ZMYM2: variants seen among roughly 807,000 people sequenced by gnomAD.
The protein encoded by ZMYM2 is zinc finger MYM-type containing 2.
A neutral mutation model predicts 162.8 loss-of-function variants in ZMYM2; 56 were observed. That is an observed-to-expected ratio of 0.34 (90% CI 0.28 to 0.43). The LOEUF is 0.43. ZMYM2 is among the 20% of genes least tolerant of loss of function. The pLI is 1.00. For missense variants in ZMYM2, 1,275 were observed against 1,621.8 expected (o/e 0.79, Z 3.67); for synonymous variants, 510 against 541.6 (o/e 0.94, Z 0.81).
Position 19,993,281 on chromosome 13 carries a change from C to G in ZMYM2, c.209C>G (p.Pro70Arg). The G allele has an allele frequency of 6.2e-7, 1 of 1,613,952 alleles. No homozygotes were observed. The highest frequency in any genetic ancestry group is 8.5e-7 in the Non-Finnish European group (1 of 1,179,880). ...TTTATCGAACCTGTACAACCTCCCC[C>G]ACCTTCTGTACCAGTGGTAGCTGAT... The part of the protein sequence containing the change: ...VVFIEPVQPP[P>R]PSVPVVADQR... Residue 70 changes from proline (P) to arginine (R), a missense_variant, in exon 3 of 25, where the codon CCA (proline) becomes CGA (arginine). Physicochemically the swap from Pro to Arg is moderately radical, Grantham distance 103. This residue lies in a region of ZMYM2 where 295 missense variants were observed against 286.7 expected (regional missense o/e 1.03). Transcript: ENST00000610343.
chr13:19,912,292 GTTTTTTTTTTT>G, the ZMYM2 span, among the ~76,000 whole-genome samples: 2 of 75,714 alleles, frequency 2.6e-5, no homozygotes, highest in Non-Finnish European at 4.9e-5. Flanking sequence ...TGTTTTTTGG[GTTTTTTTTTTT>G]TTTTTTTTTT....
the ZMYM2 span, among the ~76,000 whole-genome samples, chr13:19,898,237 CT>C: frequency 1.5e-3 from 224 of 144,858 alleles, 1 homozygote; most frequent in Admixed American, 1.7e-3. Flanking sequence ...AGAACACACT[CT>C]TTTTTTTTTT....
intron 21 of ZMYM2, among the ~76,000 whole-genome samples, chr13:20,076,015 C>T (rs371484149): frequency 1.4e-5 from 2 of 141,460 alleles, no homozygotes; most frequent in South Asian, 4.1e-4. Flanking sequence ...CTTTAATCTC[C>T]CCACCTTATC....
At chr13:19,980,743 A>C (rs1399132160) in intron 2 of ZMYM2, among the ~76,000 whole-genome samples, 3 of 117,380 alleles carry the variant, frequency 2.6e-5, no homozygotes, top group African/African-American at 1.1e-4. Flanking sequence ...ACAGAGCGAG[A>C]CTCCATCTCA....
rs768526276 is a variant in ZMYM2 at position 20,027,221 on chromosome 13, A to G, written c.1754A>G (p.His585Arg). The G allele has an allele frequency of 6.3e-7, 1 of 1,576,642 alleles. No individual in the cohort carries two copies. Among genetic ancestry groups the G allele is most frequent in the South Asian group, 1.2e-5 (1 of 85,866 alleles). The part of the protein sequence containing the change: ...AKSQSLGIIC[H>R]FCKRNSLPQY... ...TTCCTAGGTTTGGGAATTATTTGCC[A>G]TTTTTGTAAGCGAAACTCTTTACCT... The change falls in exon 9 of 25, where the codon CAT becomes CGT. Residue 585 changes from histidine to arginine, a missense_variant. By Grantham distance (29) the His-to-Arg change is conservative. Around this residue, in one of 10 missense-constraint regions of ZMYM2, gnomAD observed 276 missense variants for 311.8 expected, o/e 0.89. Coordinates refer to ENST00000610343, the MANE Select transcript of ZMYM2 (RefSeq NM_197968.4).
At chr13:19,917,274 T>G in the ZMYM2 span, among the ~76,000 whole-genome samples, 1 of 152,078 alleles carries the variant, frequency 6.6e-6, no homozygotes, top group African/African-American at 2.4e-5. Context: ...AAGGCTAGAA[T>G]TAATAACAGG....
the ZMYM2 span, among the ~76,000 whole-genome samples, chr13:19,904,954 C>T: frequency 6.6e-6 from 1 of 151,776 alleles, no homozygotes. Flanking sequence ...TACTTTTGGC[C>T]ATAGTGAATA....
At chr13:20,083,598 T>C in intron 23 of ZMYM2, 58 bp from the exon 24 acceptor site, 1 of 1,313,620 alleles carries the variant, frequency 7.6e-7, no homozygotes, top group Non-Finnish European at 1.0e-6. Context: ...CTAGGAGTGA[T>C]GTTTATATCT....
chr13:19,936,454 G>A, the ZMYM2 span, among the ~76,000 whole-genome samples: 27 of 152,172 alleles, frequency 1.8e-4, no homozygotes, highest in African/African-American at 6.0e-4. Context: ...GGGCATGGTG[G>A]CTCTTGCCTG....
chr13:20,078,289 TAAC>T (rs1566469835), intron 21 of ZMYM2, among the ~76,000 whole-genome samples: 1 of 150,454 alleles, frequency 6.6e-6, no homozygotes, highest in African/African-American at 2.4e-5. Flanking sequence ...TTTATTCATA[TAAC>T]GTTTAATAAA....
At chr13:20,077,969 C>T (rs1185446255) in intron 21 of ZMYM2, among the ~76,000 whole-genome samples, 8 of 151,894 alleles carry the variant, frequency 5.3e-5, no homozygotes, top group Non-Finnish European at 1.2e-4. Flanking sequence ...AGGCGCCCGC[C>T]ACCACGCCCG....
At chr13:19,963,372 G>T (rs1240108517) in intron 2 of ZMYM2, among the ~76,000 whole-genome samples, 3 of 152,192 alleles carry the variant, frequency 2.0e-5, no homozygotes, top group Admixed American at 6.5e-5. Flanking sequence ...AAGTTCTAAT[G>T]CAGGTCTCCA....
At chr13:19,991,624 C>CTTTTTTTTTTTTTTTTT (rs11413369) in intron 2 of ZMYM2, among the ~76,000 whole-genome samples, 2 of 131,374 alleles carry the variant, frequency 1.5e-5, no homozygotes, top group Non-Finnish European at 1.6e-5. Flanking sequence ...TTTTCTTTTT[C>CTTTTTTTTTTTTTTTTT]TTTTTTTTTT....
intron 9 of ZMYM2, among the ~76,000 whole-genome samples, chr13:20,030,479 A>G (rs995399136): frequency 6.6e-6 from 1 of 151,088 alleles, no homozygotes; most frequent in African/African-American, 2.4e-5. Flanking sequence ...GCTCACTGCA[A>G]GCTCCACCTC....
chr13:20,081,938 A>G (rs1957937602), intron 21 of ZMYM2, 78 bp from the exon 22 acceptor site: 3 of 842,064 alleles, frequency 3.6e-6, no homozygotes, highest in Admixed American at 3.7e-5. Context: ...TTCTTAAGAA[A>G]TACGGAGTGT....
intron 21 of ZMYM2, among the ~76,000 whole-genome samples, chr13:20,074,567 C>CTTA (rs916237177): frequency 7.2e-6 from 1 of 139,484 alleles, no homozygotes; most frequent in African/African-American, 2.7e-5. Context: ...GAGACGGAGT[C>CTTA]TTACTCTGTC....
intron 2 of ZMYM2, among the ~76,000 whole-genome samples, chr13:19,965,052 A>G (rs888045393): frequency 1.3e-5 from 2 of 151,480 alleles, no homozygotes; most frequent in African/African-American, 4.8e-5. Flanking sequence ...TAACCTGCAC[A>G]ATGTGCACAT....
intron 6 of ZMYM2, among the ~76,000 whole-genome samples, chr13:20,012,284 T>C (rs1365154143): frequency 6.6e-6 from 1 of 152,188 alleles, no homozygotes; most frequent in African/African-American, 2.4e-5. Context: ...CAAGCGATTC[T>C]TCTGCGTCAG....
chr13:19,881,849 T>C, the ZMYM2 span, among the ~76,000 whole-genome samples: 6 of 151,498 alleles, frequency 4.0e-5, no homozygotes, highest in South Asian at 1.3e-3. Flanking sequence ...CTGGGTGTGG[T>C]TGCACGCCTG....
Sources: allele counts gnomAD v4.1 joint callset (sites outside exome capture counted in the v4.1 genomes callset), GRCh38; gene constraint gnomAD v4.1.1; regional missense constraint gnomAD v4.1.1; transcripts MANE v1.5; gene names NCBI Gene and HGNC (gene_info 2026-07-23, HGNC 2026-07-21).